The following ACACA variants were observed in gnomAD, a reference collection of about 807,000 sequenced individuals.
The protein encoded by ACACA is acetyl-CoA carboxylase 1.
In ACACA, 103 loss-of-function variants were observed where a neutral mutation model predicts 296.1. That is an observed-to-expected ratio of 0.35 (90% confidence interval 0.30 to 0.41). The LOEUF (loss-of-function observed/expected upper bound fraction) is 0.41, where lower values mean the gene tolerates loss of function less well. Ranked by LOEUF, ACACA falls within the 10% of genes least tolerant of loss-of-function variation. The pLI is 1.00. For missense variants in ACACA, 1,554 were observed against 2,989.7 expected (o/e 0.52, Z 11.20); for synonymous variants, 953 against 1,038.6 (o/e 0.92, Z 1.58).
intron 41 of ACACA, among the ~76,000 whole-genome samples, chr17:37,167,649 TA>T (rs974400480): frequency 2.2e-5 from 3 of 139,276 alleles, no homozygotes; most frequent in African/African-American, 8.4e-5. Flanking sequence ...CTAGAGAAAT[TA>T]AGGAAGTATG....
At chr17:37,379,359 C>G (rs1418769356) in intron 1 of ACACA, 14 of 1,613,934 alleles carry the variant, frequency 8.7e-6, no homozygotes, top group Non-Finnish European at 1.1e-5. Flanking sequence ...AAGTTTCAGA[C>G]TGGATCTCTT....
At chr17:37,337,632 T>C (rs2147294570) in intron 2 of ACACA, among the ~76,000 whole-genome samples, 1 of 152,024 alleles carries the variant, frequency 6.6e-6, no homozygotes, top group Non-Finnish European at 1.5e-5. Context: ...TTTTGTTTTT[T>C]TGTACAGACA....
Position 37,234,921 on chromosome 17 carries a change from A to G in ACACA, c.3246+54T>C, listed in dbSNP as rs77052535. 2,054 of 1,606,690 alleles carry G rather than the reference A, an allele frequency of 1.3e-3. 25 individuals are homozygous for G. In the African/African-American group the frequency reaches 0.023, roughly 18 times the overall value. The stretch of plus-strand genomic sequence containing the variant: ...GGCCATAGCCATCAAAAGGAAAAAA[A>G]TACTTTTTGCATATCATTGACGGTC... On this transcript the variant is annotated intron_variant, in intron 25 of 55. Coordinates refer to ENST00000616317, the MANE Select transcript of ACACA (RefSeq NM_198834.3).
intron 1 of ACACA, among the ~76,000 whole-genome samples, chr17:37,401,704 G>A (rs556093967): frequency 5.9e-5 from 9 of 152,082 alleles, no homozygotes; most frequent in African/African-American, 1.7e-4. Flanking sequence ...GACCACAGGC[G>A]TGTGCTATCA....
At chr17:37,257,997 G>C in intron 13 of ACACA, 131 bp from the exon 14 acceptor site, 1 of 1,280,112 alleles carries the variant, frequency 7.8e-7, no homozygotes, top group Non-Finnish European at 1.1e-6. Context: ...TAAAGGCCAA[G>C]ACCCAGTGCC....
In ACACA at chr17:37,349,546, T is replaced by C. The variant is rs2048797980; in HGVS notation, c.39-9696A>G. Among the ~76,000 whole-genome samples the C allele has an allele frequency of 5.4e-5, 8 of 148,270 alleles. No homozygotes were observed. In the South Asian group the frequency reaches 1.7e-3, roughly 32 times the overall value. ...GTGTGTGTGTGCGCGCGTGTGTGTGTGTATATATATATAGCTTTTTTTTTT... is the reference window on the plus strand; with the variant it reads ...GTGTGTGTGTGCGCGCGTGTGTGTGCGTATATATATATAGCTTTTTTTTTT... On this transcript the variant is annotated intron_variant, in intron 1 of 55. Transcript: ENST00000616317.
intron 2 of ACACA, among the ~76,000 whole-genome samples, chr17:37,336,418 G>A (rs2048121615): frequency 6.6e-6 from 1 of 152,198 alleles, no homozygotes; most frequent in Non-Finnish European, 1.5e-5. Context: ...AGCTGGGAAG[G>A]TGACCGCTTC....
intron 6 of ACACA, 102 bp downstream of exon 6, chr17:37,277,794 C>T (rs1375926837): frequency 2.3e-5 from 20 of 863,612 alleles, no homozygotes; most frequent in East Asian, 5.1e-5. Context: ...TAATAATTTT[C>T]GAAAATGATG....
At chr17:37,356,988 T>C (rs547055209) in intron 1 of ACACA, among the ~76,000 whole-genome samples, 2 of 152,322 alleles carry the variant, frequency 1.3e-5, no homozygotes, top group Admixed American at 6.5e-5. Context: ...CATAGTGATC[T>C]ACACCTGAAC....
chr17:37,291,652 C>T (rs1307362268), intron 3 of ACACA, among the ~76,000 whole-genome samples: 1 of 152,082 alleles, frequency 6.6e-6, no homozygotes, highest in African/African-American at 2.4e-5. Flanking sequence ...TTTTGGAGAA[C>T]AAATTTCTTA....
chr17:37,099,003 C>G (rs2073161787), intron 52 of ACACA, among the ~76,000 whole-genome samples: 1 of 152,186 alleles, frequency 6.6e-6, no homozygotes, highest in Admixed American at 6.5e-5. Context: ...GTGTTAGGGA[C>G]ACCCTGAAGT....
chr17:37,259,518 G>C lies in ACACA; in HGVS notation c.1342C>G (p.Leu448Val). 6.2e-7 allele frequency: 1 copy of C among 1,614,122 alleles called. No homozygotes were observed. The highest frequency in any genetic ancestry group is 8.5e-7 in the Non-Finnish European group (1 of 1,180,018). Residue 448 changes from leucine (L) to valine (V), a missense_variant, in exon 12 of 56, where the codon CTT becomes GTT. Leu to Val is a conservative substitution (Grantham distance 32). Coordinates refer to ENST00000616317, the MANE Select transcript of ACACA (RefSeq NM_198834.3). ...FEHMEQCAVK[L>V]AKMVGYVSAG... Reference sequence around the variant, plus strand: ...CTCACATAACCCACCATTTTGGCAAGTTTCACCGCACACTCAAAGAAGAGA... The same window carrying C: ...CTCACATAACCCACCATTTTGGCAACTTTCACCGCACACTCAAAGAAGAGA...
At chr17:37,342,147 A>T (rs892530060) in intron 1 of ACACA, among the ~76,000 whole-genome samples, 11 of 152,008 alleles carry the variant, frequency 7.2e-5, no homozygotes, top group African/African-American at 2.7e-4. Flanking sequence ...AGTGGCTCAC[A>T]CCTGTAATCC....
chr17:37,346,701 C>CA (rs1233696565), intron 1 of ACACA, among the ~76,000 whole-genome samples: 931 of 35,740 alleles, frequency 0.026, 13 homozygotes, highest in South Asian at 0.11. Context: ...GACTCCATCT[C>CA]AAAAAAAAAA....
intron 16 of ACACA, among the ~76,000 whole-genome samples, chr17:37,250,789 G>T (rs2080950784): frequency 6.6e-6 from 1 of 152,222 alleles, no homozygotes; most frequent in South Asian, 2.1e-4. Context: ...ACTTTGGGAG[G>T]CCAAGGCGGG....
chr17:37,207,740 A>G lies in ACACA; in HGVS notation c.3768T>C (p.Asp1256=). The G allele has an allele frequency of 6.2e-7, 1 of 1,614,016 alleles. No homozygotes were observed. Among genetic ancestry groups the G allele is most frequent in the Non-Finnish European group, 8.5e-7 (1 of 1,179,878 alleles). Residue 1256 remains aspartate (D), a synonymous_variant, in exon 31 of 56, where the codon GAT becomes GAC. Coordinates refer to ENST00000616317, the MANE Select transcript of ACACA (RefSeq NM_198834.3). ...GAGTGAATGAGTTGTCCAACAGTAC[A>G]TCGCTGACACTAGCTACATGGGTCA... The part of the protein sequence containing the change: ...YGMTHVASVS[D]VLLDNSFTPP...
Position 37,216,104 on chromosome 17 carries a change from T to C in ACACA, c.3684-5614A>G, listed in dbSNP as rs567756896. ...TCAAAAAGAATCACACAGCCTTTAA[T>C]GCTAAGAAGGTAAAAAAGGAAACAC... On this transcript the variant is annotated intron_variant, in intron 29 of 55. Transcript: ENST00000616317. 1.6e-4 allele frequency among the ~76,000 whole-genome samples: 22 copies of C among 140,680 alleles called. No homozygotes were observed. The East Asian group carries it at 4.7e-3, about 30-fold the overall frequency. The allele number at this position is 140,680 out of a possible 152,430, so 92.3% of individuals were successfully genotyped here.
chr17:37,105,459 A>C (rs978080553), intron 52 of ACACA, among the ~76,000 whole-genome samples: 2 of 151,956 alleles, frequency 1.3e-5, no homozygotes, highest in Non-Finnish European at 2.9e-5. Context: ...CCCAGGCGAC[A>C]GTGCGAGGCT....
intron 30 of ACACA, 111 bp from the exon 31 acceptor site, chr17:37,207,911 G>T: frequency 1.5e-6 from 2 of 1,342,572 alleles, no homozygotes; most frequent in Non-Finnish European, 2.1e-6. Flanking sequence ...GGGTCAGGTT[G>T]CAGAGCAGAT....
Sources: allele counts gnomAD v4.1 joint callset (sites outside exome capture counted in the v4.1 genomes callset), GRCh38; gene constraint gnomAD v4.1.1; transcripts MANE v1.5; gene names NCBI Gene and HGNC (gene_info 2026-07-23, HGNC 2026-07-21).